The following LIN28B variants were observed in gnomAD, a reference collection of about 807,000 sequenced individuals.
LIN28B encodes the protein protein lin-28 homolog B.
LIN28B carries 5 observed loss-of-function variants against 21.9 expected under a neutral mutation model. That is an observed-to-expected ratio of 0.23 (90% CI 0.12 to 0.48). The LOEUF (loss-of-function observed/expected upper bound fraction) is 0.48, where lower values mean the gene tolerates loss of function less well. LIN28B is among the 20% of genes least tolerant of loss of function. The pLI, the probability that LIN28B is intolerant of heterozygous loss-of-function variation, is 0.98. For missense variants in LIN28B, 245 were observed against 310.5 expected (o/e 0.79, Z 1.58); for synonymous variants, 109 against 111.3 (o/e 0.98, Z 0.13).
At position 104,966,803 on chromosome 6, in the gene LIN28B, A is replaced by G. The variant is rs1247420861; in HGVS notation, c.198+8517A>G. Among the ~76,000 whole-genome samples, 3 of 151,986 alleles carry G rather than the reference A, an allele frequency of 2.0e-5. No individual in the cohort carries two copies. In the East Asian group the frequency reaches 5.8e-4, roughly 29 times the overall value. The stretch of plus-strand genomic sequence containing the variant: ...CGCCCGGCTAATTTTTTGTATTTTT[A>G]GTAGAGATGGGGTTTCACCGAGTTA... On this transcript the variant is annotated intron_variant, in intron 2 of 3. Transcript: ENST00000345080.
At chr6:104,955,613 A>G (rs1476051683), upstream of LIN28B, among the ~76,000 whole-genome samples, 1 of 151,044 alleles carries the variant, frequency 6.6e-6, no homozygotes, top group Non-Finnish European at 1.5e-5. Context: ...TAATCCCTAC[A>G]TTTTAGCTTG....
At chr6:105,062,334 T>C (rs900838813) in intron 3 of LIN28B, among the ~76,000 whole-genome samples, 1 of 152,180 alleles carries the variant, frequency 6.6e-6, no homozygotes, top group African/African-American at 2.4e-5. Context: ...GATTATGTCA[T>C]TTTTGGAAAA....
intron 2 of LIN28B, among the ~76,000 whole-genome samples, chr6:104,962,573 A>T (rs965314287): frequency 2.6e-5 from 4 of 152,190 alleles, no homozygotes; most frequent in African/African-American, 9.6e-5. Context: ...ATATGAAAAC[A>T]TTTAGAGATG....
chr6:104,977,027 C>T (rs1433385470), intron 2 of LIN28B, among the ~76,000 whole-genome samples: 2 of 151,830 alleles, frequency 1.3e-5, no homozygotes, highest in African/African-American at 2.4e-5. Context: ...GAATCTACTC[C>T]TTATTTTTAT....
intron 2 of LIN28B, among the ~76,000 whole-genome samples, chr6:105,006,942 C>A (rs967720626): frequency 1.3e-5 from 2 of 152,132 alleles, no homozygotes; most frequent in South Asian, 2.1e-4. Context: ...TGCTTTTGTC[C>A]GGAAGACAAG....
intron 2 of LIN28B, among the ~76,000 whole-genome samples, chr6:104,986,022 T>G (rs1770332004): frequency 6.6e-6 from 1 of 152,068 alleles, no homozygotes; most frequent in South Asian, 2.1e-4. Flanking sequence ...TAATCTGCAG[T>G]GTTGGGGGAG....
At chr6:104,971,278 G>A (rs2114590129) in intron 2 of LIN28B, among the ~76,000 whole-genome samples, 1 of 151,830 alleles carries the variant, frequency 6.6e-6, no homozygotes, top group South Asian at 2.1e-4. Flanking sequence ...AATCTAATAG[G>A]CATTTTTGTT....
intron 3 of LIN28B, among the ~76,000 whole-genome samples, chr6:105,029,527 G>T (rs1771374111): frequency 6.7e-6 from 1 of 149,674 alleles, no homozygotes; most frequent in Non-Finnish European, 1.5e-5. Flanking sequence ...TTTTATGCTG[G>T]TTTTTTTTTT....
chr6:104,943,121 T>G (rs1327364449), intron 2 of LIN28B, among the ~76,000 whole-genome samples: 1 of 151,930 alleles, frequency 6.6e-6, no homozygotes, highest in Non-Finnish European at 1.5e-5. Context: ...AGATTTAAAA[T>G]AGTAGTGCTC....
At chr6:105,068,511 C>T (rs1348595376) in intron 3 of LIN28B, among the ~76,000 whole-genome samples, 2 of 152,146 alleles carry the variant, frequency 1.3e-5, no homozygotes, top group Admixed American at 6.5e-5. Context: ...TTCATTTCCA[C>T]TGCCAGCAGT....
At chr6:104,988,009 G>T (rs988838260) in intron 2 of LIN28B, among the ~76,000 whole-genome samples, 23 of 152,088 alleles carry the variant, frequency 1.5e-4, no homozygotes, top group Admixed American at 3.9e-4. Flanking sequence ...TTCCCAAAGT[G>T]CTGGGATTAC....
intron 3 of LIN28B, among the ~76,000 whole-genome samples, chr6:105,050,163 T>TA (rs1771868134): frequency 6.6e-6 from 1 of 152,226 alleles, no homozygotes; most frequent in East Asian, 1.9e-4. Context: ...CCATGTTTAG[T>TA]GCTTCCTTCA....
At chr6:105,016,390 G>A (rs955706776) in intron 2 of LIN28B, among the ~76,000 whole-genome samples, 5 of 152,168 alleles carry the variant, frequency 3.3e-5, no homozygotes, top group African/African-American at 1.2e-4. Context: ...CCTACCTGTG[G>A]CATGTAGTTT....
intron 2 of LIN28B, among the ~76,000 whole-genome samples, chr6:104,976,446 A>G (rs968333090): frequency 5.9e-5 from 9 of 152,226 alleles, no homozygotes; most frequent in Non-Finnish European, 1.2e-4. Context: ...TGTGGCAGGA[A>G]GGACAATGGA....
At chr6:104,988,348 T>A (rs1002203676) in intron 2 of LIN28B, among the ~76,000 whole-genome samples, 2 of 152,168 alleles carry the variant, frequency 1.3e-5, no homozygotes, top group African/African-American at 2.4e-5. Context: ...ATTGTGTTTT[T>A]ATCCAGATAT....
chr6:104,937,503 G>C (rs953511129), intron 2 of LIN28B, among the ~76,000 whole-genome samples: 10 of 152,156 alleles, frequency 6.6e-5, no homozygotes, highest in African/African-American at 1.9e-4. Context: ...GGGCTCAAGT[G>C]ATCTGCCCGC....
intron 3 of LIN28B, among the ~76,000 whole-genome samples, chr6:105,066,613 T>C (rs574093897): frequency 6.4e-4 from 97 of 152,314 alleles, no homozygotes; most frequent in African/African-American, 2.2e-3. Flanking sequence ...TGTGAGCTAG[T>C]CACTATTTTA....
At chr6:105,055,795 G>A (rs1386635438) in intron 3 of LIN28B, among the ~76,000 whole-genome samples, 1 of 151,768 alleles carries the variant, frequency 6.6e-6, no homozygotes, top group East Asian at 1.9e-4. Context: ...TTCAGACAGG[G>A]TCTTCCTTCC....
At chr6:104,944,504 A>G (rs1778134327) in intron 2 of LIN28B, among the ~76,000 whole-genome samples, 1 of 152,122 alleles carries the variant, frequency 6.6e-6, no homozygotes, top group South Asian at 2.1e-4. Flanking sequence ...CATGAAATAA[A>G]TTACACTTAA....
Sources: allele counts gnomAD v4.1 joint callset (sites outside exome capture counted in the v4.1 genomes callset), GRCh38; gene constraint gnomAD v4.1.1; transcripts MANE v1.5; gene names NCBI Gene and HGNC (gene_info 2026-07-23, HGNC 2026-07-21).